The following HMCN2 variants were observed in gnomAD, a reference collection of about 807,000 sequenced individuals.
HMCN2 encodes hemicentin-2.
A neutral mutation model predicts 377.5 loss-of-function variants in HMCN2; 325 were observed. The observed-to-expected ratio is 0.86, with a 90% CI of 0.79 to 0.94. The LOEUF (loss-of-function observed/expected upper bound fraction) is 0.94, where lower values mean the gene tolerates loss of function less well. Among genes scored for constraint, HMCN2 ranks in the 40% least tolerant of loss-of-function variants. HMCN2 has a pLI of 0.00. For synonymous variants in HMCN2, 2,007 were observed against 2,046.8 expected, an observed-to-expected ratio of 0.98 and a Z score of 0.53; for missense variants, 4,543 against 4,725.3, an observed-to-expected ratio of 0.96 and a Z score of 1.13.
At chr9:130,429,305 C>T in intron 93 of HMCN2, 1 of 544,150 alleles carries the variant, frequency 1.8e-6, no homozygotes, top group South Asian at 2.3e-5. Context: ...ATATGGAGAG[C>T]TCAGCGGAAC....
intron 65 of HMCN2, 71 bp downstream of exon 65, chr9:130,391,645 A>C: frequency 4.1e-6 from 4 of 983,410 alleles, no homozygotes; most frequent in Non-Finnish European, 4.8e-6. Context: ...ACATGTGAGC[A>C]AAGCCCACAC....
chr9:130,284,606 T>A lies in HMCN2; in HGVS notation c.263T>A (p.Ile88Asn), dbSNP rs1313215168. The part of the protein sequence containing the change: ...YALVPFHDPD[I>N]GPVTLTADPT... ...CGTCCCTCTCTCTTCTCCACAGATA[T>A]TGGCCCAGTGACCCTCACGGCGGAC... The change falls in exon 2 of 98, where the codon ATT (isoleucine) becomes AAT (asparagine). Residue 88 changes from isoleucine to asparagine, a missense_variant. Coordinates refer to ENST00000683500, the MANE Select transcript of HMCN2 (RefSeq NM_001291815.2). 2.1e-6 allele frequency: 1 copy of A among 471,106 alleles called. No individual in the cohort carries two copies. Among genetic ancestry groups the A allele is most frequent in the Non-Finnish European group, 4.4e-6 (1 of 227,062 alleles). 29.2% of individuals were successfully genotyped at this position (471,106 alleles called of 1,614,324 possible). A position where few individuals can be genotyped will look rare whatever the true frequency, so the allele number is the denominator to read the frequency against.
Position 130,359,409 on chromosome 9 carries a change from C to T in HMCN2, c.5768C>T (p.Pro1923Leu), listed in dbSNP as rs1363886434. The T allele has an allele frequency of 1.5e-6, 2 of 1,300,882 alleles. No homozygotes were observed. Among genetic ancestry groups the T allele is most frequent in the Non-Finnish European group, 1.0e-6 (1 of 986,204 alleles). 80.6% of individuals were successfully genotyped at this position (1,300,882 alleles called of 1,614,324 possible). The change falls in exon 37 of 98, where the codon CCT becomes CTT. Residue 1923 changes from proline (P) to leucine (L), a missense_variant. Around this residue, in one of 5 missense-constraint regions of HMCN2, gnomAD observed 1,032 missense variants for 1,285.1 expected, o/e 0.80. Coordinates refer to ENST00000683500, the MANE Select transcript of HMCN2 (RefSeq NM_001291815.2). Reference sequence around the variant, plus strand: ...GAGTGTCTGGCTTCGGGCGTGCCCCCTCCTGGTAAGACCCCTCCTCTTGGC... The same window carrying T: ...GAGTGTCTGGCTTCGGGCGTGCCCCTTCCTGGTAAGACCCCTCCTCTTGGC... ...TLECLASGVP[P>L]PDVSWFKGHQ... is the part of the protein sequence containing the mutation.
At chr9:130,301,050 A>G (rs1480643939) in intron 8 of HMCN2, among the ~76,000 whole-genome samples, 2 of 152,240 alleles carry the variant, frequency 1.3e-5, no homozygotes, top group Non-Finnish European at 2.9e-5. Flanking sequence ...CACTTCAAAT[A>G]AGGATGCAGG....
Position 130,393,677 on chromosome 9 carries a change from G to T in HMCN2, c.10235-65G>T. 1 of 1,191,830 alleles carries T rather than the reference G, an allele frequency of 8.4e-7. No individual in the cohort carries two copies. The highest frequency in any genetic ancestry group is 1.1e-6 in the Non-Finnish European group (1 of 941,570). 73.8% of individuals were successfully genotyped at this position (1,191,830 alleles called of 1,614,324 possible). ...GCTTCCTGGAAGAGGTGATGTCTAA[G>T]CTGAGTACTGGAGATGAGAGTCCTG... is the stretch of plus-strand genomic sequence containing the variant. On this transcript the variant is annotated intron_variant, in intron 67 of 97. Transcript: ENST00000683500. The surrounding 1 kb of genome is among the most constrained non-coding windows in gnomAD (Gnocchi z 5.2).
Position 130,431,373 on chromosome 9 carries a change from A to T in HMCN2, c.14654A>T (p.Asp4885Val). 1.3e-6 allele frequency: 2 copies of T among 1,547,706 alleles called. No homozygotes were observed. Among genetic ancestry groups the T allele is most frequent in the Non-Finnish European group, 1.7e-6 (2 of 1,144,898 alleles). ...IRQNGVCTDLDECRVRNLCQH... is the reference protein window; with the variant it reads ...IRQNGVCTDLVECRVRNLCQH... The stretch of plus-strand genomic sequence containing the variant: ...ACCCCCATGCCCGGGCCAGACCTTG[A>T]CGAGTGCCGCGTGAGGAACCTGTGT... The change falls in exon 96 of 98, where the codon GAC (aspartate) becomes GTC (valine). Residue 4885 changes from aspartate (D) to valine (V), a missense_variant. This residue lies in a region of HMCN2 where 1,155 missense variants were observed against 1,157.7 expected (regional missense o/e 1.00). Coordinates refer to ENST00000683500, the MANE Select transcript of HMCN2 (RefSeq NM_001291815.2).
chr9:130,374,158 A>T (rs1841246216), intron 48 of HMCN2, among the ~76,000 whole-genome samples: 1 of 143,474 alleles, frequency 7.0e-6, no homozygotes, highest in Non-Finnish European at 1.5e-5. Context: ...TGATTGATTG[A>T]CTGGAAGGAT....
chr9:130,391,093 C>T lies in HMCN2; in HGVS notation c.9640C>T (p.Arg3214Cys), dbSNP rs960703225. 16 of 987,796 alleles carry T rather than the reference C, an allele frequency of 1.6e-5. No individual in the cohort carries two copies. Among genetic ancestry groups the T allele is most frequent in the Middle Eastern group, 2.8e-4 (1 of 3,544 alleles). The allele number at this position is 987,796 out of a possible 1,614,324, so 61.2% of individuals were successfully genotyped here. A position where few individuals can be genotyped will look rare whatever the true frequency, so the allele number is the denominator to read the frequency against. The change falls in exon 63 of 98, where the codon CGC becomes TGC. Residue 3214 changes from arginine (R) to cysteine (C), a missense_variant. Physicochemically the swap from Arg to Cys is radical, Grantham distance 180. Transcript: ENST00000683500. Reference protein sequence around the residue: ...CVAENTQAEARKDFVVAVLVA... With the variant: ...CVAENTQAEACKDFVVAVLVA... ...GGCTGAGAACACCCAGGCTGAGGCC[C>T]GCAAGGACTTCGTGGTAGCAGTGCT...
chr9:130,337,174 A>G (rs1272205255), intron 22 of HMCN2, among the ~76,000 whole-genome samples: 1 of 152,190 alleles, frequency 6.6e-6, no homozygotes, highest in Non-Finnish European at 1.5e-5. Flanking sequence ...CTTGGGGTCC[A>G]GCCCAGCTGC....
chr9:130,334,192 C>T (rs974283723), intron 22 of HMCN2, among the ~76,000 whole-genome samples: 11 of 152,272 alleles, frequency 7.2e-5, no homozygotes, highest in African/African-American at 1.2e-4. Flanking sequence ...TGGCCCCCTG[C>T]GGAGGAACGG....
At chr9:130,388,326 T>G in intron 61 of HMCN2, 83 bp from the exon 62 acceptor site, 2 of 938,004 alleles carry the variant, frequency 2.1e-6, no homozygotes, top group Non-Finnish European at 2.5e-6. Flanking sequence ...AGGAAGGGCT[T>G]CTTAGGCCTC....
chr9:130,392,806 C>T (rs1428542965), intron 66 of HMCN2, among the ~76,000 whole-genome samples: 3 of 152,064 alleles, frequency 2.0e-5, no homozygotes, highest in East Asian at 1.9e-4. Flanking sequence ...ACCATCCTGG[C>T]TAACACGGTG....
chr9:130,362,915 G>A lies in HMCN2; in HGVS notation c.6157G>A (p.Asp2053Asn), dbSNP rs1221893716. 4.1e-6 allele frequency: 4 copies of A among 985,836 alleles called. No homozygotes were observed. In the African/African-American group the frequency reaches 5.2e-5, roughly 13 times the overall value. 61.1% of individuals were successfully genotyped at this position (985,836 alleles called of 1,614,324 possible). Reference protein sequence around the residue: ...VLTLASARASDSGRYSCVAVS... With the variant: ...VLTLASARASNSGRYSCVAVS... ...CACCTTGGCTAGTGCCCGGGCCTCCGACTCTGGGAGGTACTCCTGCGTGGC... is the reference window on the plus strand; with the variant it reads ...CACCTTGGCTAGTGCCCGGGCCTCCAACTCTGGGAGGTACTCCTGCGTGGC... Residue 2053 changes from aspartate (D) to asparagine (N), a missense_variant, in exon 40 of 98, where the codon GAC becomes AAC. Around this residue, in one of 5 missense-constraint regions of HMCN2, gnomAD observed 1,032 missense variants for 1,285.1 expected, o/e 0.80. Coordinates refer to ENST00000683500, the MANE Select transcript of HMCN2 (RefSeq NM_001291815.2).
intron 22 of HMCN2, among the ~76,000 whole-genome samples, chr9:130,331,318 G>A (rs954003921): frequency 5.3e-4 from 81 of 152,246 alleles, no homozygotes; most frequent in African/African-American, 1.9e-3. Context: ...CTCCTGGGTC[G>A]GTTCCTTGCG....
intron 32 of HMCN2, among the ~76,000 whole-genome samples, chr9:130,355,401 C>T (rs981298710): frequency 1.9e-4 from 29 of 152,310 alleles, no homozygotes; most frequent in Middle Eastern, 3.4e-3. Flanking sequence ...GTGGGGCCTT[C>T]GCCTGCTCTT....
At chr9:130,392,934 T>G (rs1195549531) in intron 66 of HMCN2, among the ~76,000 whole-genome samples, 2 of 151,540 alleles carry the variant, frequency 1.3e-5, no homozygotes, top group Admixed American at 6.6e-5. Context: ...AGGCGGAGCT[T>G]GCAGTGAGCC....
At chr9:130,372,938 CGGT>C (rs564464552) in intron 47 of HMCN2, 97 bp from the exon 48 acceptor site, 26 of 200,092 alleles carry the variant, frequency 1.3e-4, no homozygotes, top group Middle Eastern at 4.8e-3. Context: ...GCACAAGAAA[CGGT>C]GGGCTCTTGG....
chr9:130,425,203 C>A, intron 89 of HMCN2, 73 bp downstream of exon 89: 2 of 1,445,980 alleles, frequency 1.4e-6, no homozygotes, highest in Non-Finnish European at 1.8e-6. Flanking sequence ...CTCAACCACC[C>A]CTGAGCAGCC....
rs929619572 is a variant in HMCN2, at chr9:130,332,888, C to G, written c.3360-5006C>G. ...CGTGCAGCAGGCTGGGTGACTCTGG[C>G]GGGGAGTGCCGTTCATTCCACGGCC... is the stretch of plus-strand genomic sequence containing the variant. On this transcript the variant is annotated intron_variant, in intron 22 of 97. Transcript: ENST00000683500. 4.4e-3 allele frequency among the ~76,000 whole-genome samples: 668 copies of G among 152,288 alleles called. 11 individuals are homozygous for G. The highest frequency in any genetic ancestry group is 0.015 in the African/African-American group (612 of 41,564).
Sources: gnomAD v4.1 joint callset for allele counts (sites outside exome capture counted in the v4.1 genomes callset) on GRCh38, gnomAD v4.1.1 for gene constraint, gnomAD v4.1.1 regional missense constraint, Gnocchi (gnomAD v3.1) non-coding constraint, MANE v1.5 for transcripts, NCBI Gene and HGNC (gene_info 2026-07-23, HGNC 2026-07-21) for gene names.